The following PPA1 variants were observed in gnomAD, a reference collection of about 807,000 sequenced individuals.
PPA1 encodes the protein inorganic pyrophosphatase.
In PPA1, 23 loss-of-function variants were observed where a neutral mutation model predicts 41.8. The observed-to-expected ratio is 0.55, with a 90% CI of 0.40 to 0.78. PPA1 has a LOEUF of 0.78. Ranked by LOEUF, PPA1 falls within the 30% of genes least tolerant of loss-of-function variation. PPA1 has a pLI of 0.00. For synonymous variants in PPA1, 101 were observed against 116.8 expected (o/e 0.86, Z 0.87); for missense variants, 320 against 361.6 (o/e 0.89, Z 0.93).
In PPA1 at chr10:70,213,609, G is replaced by A; in HGVS notation, c.385-20C>T. ...ACATACCTGAGAGTCAATAGCCAAA[G>A]TCAGGACAACATTACAGAACCACAC... On this transcript the variant is annotated intron_variant, in intron 5 of 10. Transcript: ENST00000373232. The A allele has an allele frequency of 6.2e-7, 1 of 1,612,464 alleles. No homozygotes were observed. The highest frequency in any genetic ancestry group is 2.2e-5 in the East Asian group (1 of 44,820).
chr10:70,221,377 C>T (rs184212313), intron 2 of PPA1, among the ~76,000 whole-genome samples: 2 of 151,866 alleles, frequency 1.3e-5, no homozygotes, highest in African/African-American at 4.8e-5. Flanking sequence ...CTAAAGCATC[C>T]ATAGGTTTCT....
At chr10:70,215,194 C>CA (rs1395166959) in intron 4 of PPA1, among the ~76,000 whole-genome samples, 6 of 151,746 alleles carry the variant, frequency 4.0e-5, no homozygotes, top group Non-Finnish European at 4.4e-5. Context: ...GGCTCAATCT[C>CA]AAAAAAACAA....
chr10:70,231,204 G>A (rs999709234), intron 1 of PPA1, among the ~76,000 whole-genome samples: 2 of 152,156 alleles, frequency 1.3e-5, no homozygotes, highest in Non-Finnish European at 2.9e-5. Context: ...TAGCCAAAAA[G>A]TAATTTTAAA....
chr10:70,218,873 G>A, intron 2 of PPA1, 56 bp from the exon 3 acceptor site: 1 of 1,257,012 alleles, frequency 8.0e-7, no homozygotes, highest in Non-Finnish European at 1.2e-6. Context: ...TTCTCTGAGG[G>A]AGCATGCACT....
chr10:70,230,233 G>A, intron 2 of PPA1, 108 bp downstream of exon 2: 2 of 1,298,436 alleles, frequency 1.5e-6, no homozygotes, highest in Non-Finnish European at 2.2e-6. Context: ...TTAGCTCACA[G>A]CACAACGAGG....
intron 8 of PPA1, among the ~76,000 whole-genome samples, chr10:70,208,334 C>A (rs899937071): frequency 3.9e-5 from 6 of 151,940 alleles, no homozygotes; most frequent in African/African-American, 1.2e-4. Context: ...AAAGCCAAAT[C>A]TTTTTCCTTT....
chr10:70,205,675 A>G (rs760317815), intron 9 of PPA1: 8 of 152,172 alleles, frequency 5.3e-5, no homozygotes, highest in African/African-American at 1.9e-4. Context: ...CCCCATTTAC[A>G]AGGCAGTAAA....
intron 9 of PPA1, 75 bp downstream of exon 9, chr10:70,206,189 T>C: frequency 1.7e-6 from 2 of 1,164,150 alleles, no homozygotes; most frequent in East Asian, 2.3e-5. Flanking sequence ...TCGAAACAAG[T>C]ACTTCCTCTC....
At chr10:70,220,070 C>T (rs1840119998) in intron 2 of PPA1, among the ~76,000 whole-genome samples, 1 of 149,668 alleles carries the variant, frequency 6.7e-6, no homozygotes, top group Non-Finnish European at 1.5e-5. Flanking sequence ...TGGGATAACA[C>T]AGGGGCGTGC....
chr10:70,213,406 G>T, intron 6 of PPA1, 57 bp downstream of exon 6: 1 of 1,593,740 alleles, frequency 6.3e-7, no homozygotes. Flanking sequence ...TATAGGTTAA[G>T]TATGGTGGTG....
At chr10:70,225,325 C>T (rs984637810) in intron 2 of PPA1, among the ~76,000 whole-genome samples, 3 of 152,078 alleles carry the variant, frequency 2.0e-5, no homozygotes, top group African/African-American at 7.2e-5. Context: ...TCAAGTGATC[C>T]TCCTACCTCT....
chr10:70,207,882 T>C (rs1483561796), intron 8 of PPA1, among the ~76,000 whole-genome samples: 3 of 152,112 alleles, frequency 2.0e-5, no homozygotes, highest in African/African-American at 7.2e-5. Context: ...ACTAATATAA[T>C]ATGTGCCCAA....
rs549483068 is a variant in PPA1 at position 70,229,843 on chromosome 10, C to G, written c.123+498G>C. ...ATACTTTTGCTTTTACTCCTCCTCT[C>G]CTTCCCCAAATTATATTTGCTCCTT... is the stretch of plus-strand genomic sequence containing the variant. On this transcript the variant is annotated intron_variant, in intron 2 of 10. Coordinates refer to ENST00000373232, the MANE Select transcript of PPA1 (RefSeq NM_021129.4). Among the ~76,000 whole-genome samples the G allele has an allele frequency of 1.2e-3, 177 of 152,170 alleles. 2 individuals are homozygous for G. In the South Asian group the frequency reaches 0.023, roughly 19 times the overall value.
At chr10:70,212,467 T>C (rs1420847613) in intron 6 of PPA1, among the ~76,000 whole-genome samples, 2 of 152,200 alleles carry the variant, frequency 1.3e-5, no homozygotes, top group African/African-American at 4.8e-5. Flanking sequence ...AAATGTAGTA[T>C]ATCCACACAA....
chr10:70,219,804 A>C (rs983943486), intron 2 of PPA1, among the ~76,000 whole-genome samples: 17 of 152,222 alleles, frequency 1.1e-4, no homozygotes, highest in African/African-American at 3.9e-4. Flanking sequence ...CCCATTTTGC[A>C]CACTGGAGTT....
At chr10:70,227,931 T>C (rs1286402982) in intron 2 of PPA1, among the ~76,000 whole-genome samples, 1 of 152,174 alleles carries the variant, frequency 6.6e-6, no homozygotes, top group African/African-American at 2.4e-5. Flanking sequence ...AATCACACTC[T>C]AATGAATCAA....
chr10:70,209,304 A>G lies in PPA1; in HGVS notation c.640-14T>C, dbSNP rs773581293. On this transcript the variant is annotated splice_polypyrimidine_tract_variant and intron_variant, in intron 7 of 10. Coordinates refer to ENST00000373232, the MANE Select transcript of PPA1 (RefSeq NM_021129.4). ...AATGGCAAAGTCCTATAATTTGAAGAGGTTTGCATTACAATGATAAAAAGG... is the reference window on the plus strand; with the variant it reads ...AATGGCAAAGTCCTATAATTTGAAGGGGTTTGCATTACAATGATAAAAAGG... The G allele has an allele frequency of 4.5e-6, 7 of 1,546,272 alleles. No individual in the cohort carries two copies. The highest frequency in any genetic ancestry group is 6.2e-6 in the Non-Finnish European group (7 of 1,123,120).
intron 8 of PPA1, among the ~76,000 whole-genome samples, chr10:70,208,369 T>C (rs971471783): frequency 6.6e-6 from 1 of 152,170 alleles, no homozygotes; most frequent in Non-Finnish European, 1.5e-5. Flanking sequence ...GACAGGGTCT[T>C]GCTCAGGTGC....
intron 2 of PPA1, among the ~76,000 whole-genome samples, chr10:70,221,210 T>G (rs1187301566): frequency 6.8e-6 from 1 of 147,846 alleles, no homozygotes; most frequent in African/African-American, 2.5e-5. Flanking sequence ...CTTTGCTACT[T>G]TCCATCAAAA....
Sources: allele counts gnomAD v4.1 joint callset (sites outside exome capture counted in the v4.1 genomes callset), GRCh38; gene constraint gnomAD v4.1.1; transcripts MANE v1.5; gene names NCBI Gene and HGNC (gene_info 2026-07-23, HGNC 2026-07-21).